The following PALM2AKAP2 variants were observed in gnomAD, a reference collection of about 807,000 sequenced individuals.
PALM2AKAP2 encodes the protein PALM2-AKAP2 fusion protein.
A neutral mutation model predicts 71.5 loss-of-function variants in PALM2AKAP2; 37 were observed. The ratio of observed to expected loss-of-function variants is 0.52; its 90% confidence interval spans 0.40 to 0.68. PALM2AKAP2 has a LOEUF of 0.68. Ranked by LOEUF, PALM2AKAP2 falls within the 30% of genes least tolerant of loss-of-function variation. The probability of loss-of-function intolerance (pLI) is 0.00; values close to 1 mark genes in which losing one functional copy is unlikely to be tolerated. For synonymous variants in PALM2AKAP2, 468 were observed against 478.8 expected, an observed-to-expected ratio of 0.98 and a Z score of 0.29; for missense variants, 1,224 against 1,191.8, an observed-to-expected ratio of 1.03 and a Z score of -0.40.
At chr9:109,915,768 G>A (rs1830673644) in intron 3 of PALM2AKAP2, among the ~76,000 whole-genome samples, 1 of 151,960 alleles carries the variant, frequency 6.6e-6, no homozygotes, top group Admixed American at 6.6e-5. Context: ...AACAATATTA[G>A]AATTGTTAGT....
Position 109,914,047 on chromosome 9 carries a change from C to T in PALM2AKAP2, c.258-9688C>T, listed in dbSNP as rs10453217. ...CTGGGATTACAGGCGTGAACCACCG[C>T]GCCCGGCCAAGATGCTTATTTCTCC... On this transcript the variant is annotated intron_variant, in intron 3 of 9. Transcript: ENST00000302798. Among the ~76,000 whole-genome samples the T allele has an allele frequency of 5.9e-3, 892 of 152,232 alleles. 7 individuals are homozygous for T. The highest frequency in any genetic ancestry group is 0.028 in the East Asian group (147 of 5,172).
At chr9:110,002,918 C>T (rs1393191796) in intron 6 of PALM2AKAP2, among the ~76,000 whole-genome samples, 10 of 152,096 alleles carry the variant, frequency 6.6e-5, no homozygotes, top group African/African-American at 1.9e-4. Context: ...TGATTCTTCT[C>T]TCTTTTCTTC....
chr9:109,986,184 G>C (rs1485826013), intron 6 of PALM2AKAP2, among the ~76,000 whole-genome samples: 1 of 152,192 alleles, frequency 6.6e-6, no homozygotes, highest in African/African-American at 2.4e-5. Flanking sequence ...TTGAGAAACT[G>C]AATGACATAG....
At chr9:109,831,351 G>A (rs544873811) in intron 1 of PALM2AKAP2, among the ~76,000 whole-genome samples, 24 of 152,124 alleles carry the variant, frequency 1.6e-4, no homozygotes, top group Non-Finnish European at 2.8e-4. Context: ...TCACCTTTCA[G>A]CCTCTCACAG....
Position 109,645,549 on chromosome 9 carries a change from G to GA in PALM2AKAP2, c.5+4696dup, listed in dbSNP as rs200417685. On this transcript the variant is annotated intron_variant, in intron 1 of 6. Transcript: ENST00000374531. ...GTAAAATAAGAGCTTCTTAGTTTAA[G>GA]AAAAAAAAAAAAACCCCAGCCATAA... 6.6e-3 allele frequency among the ~76,000 whole-genome samples: 806 copies of GA among 122,258 alleles called. 3 individuals carry two copies. The highest frequency in any genetic ancestry group is 0.014 in the African/African-American group (470 of 32,956). The allele number at this position is 122,258 out of a possible 152,430, so 80.2% of individuals were successfully genotyped here.
chr9:109,681,855 A>C (rs542269754), intron 1 of PALM2AKAP2, among the ~76,000 whole-genome samples: 1 of 152,296 alleles, frequency 6.6e-6, no homozygotes, highest in African/African-American at 2.4e-5. Flanking sequence ...TGATGTTTTC[A>C]GATTAAGTTT....
At position 110,137,469 on chromosome 9, in the gene PALM2AKAP2, C is replaced by T. The variant is rs747354587; in HGVS notation, c.1499C>T (p.Ser500Phe). Reference sequence around the variant, plus strand: ...GCAGGAAGCCAGGGCAACACAGCCTCTCAGGGGAAGGAAGGGCCCTACAGC... The same window carrying T: ...GCAGGAAGCCAGGGCAACACAGCCTTTCAGGGGAAGGAAGGGCCCTACAGC... Residue 500 changes from serine (S) to phenylalanine (F), a missense_variant, in exon 2 of 4, where the codon TCT becomes TTT. Physicochemically the swap from Ser to Phe is radical, Grantham distance 155. Coordinates refer to ENST00000374525, the Ensembl canonical transcript of PALM2AKAP2. 9 of 1,613,988 alleles carry T rather than the reference C, an allele frequency of 5.6e-6. No individual in the cohort carries two copies. In the East Asian group the frequency reaches 8.9e-5, roughly 16 times the overall value.
At chr9:109,832,755 C>G (rs545749672) in intron 1 of PALM2AKAP2, among the ~76,000 whole-genome samples, 1 of 152,300 alleles carries the variant, frequency 6.6e-6, no homozygotes. Context: ...AAACCACTCC[C>G]CAGTCACAGA....
intron 1 of PALM2AKAP2, among the ~76,000 whole-genome samples, chr9:109,864,354 G>A (rs1398871197): frequency 1.3e-5 from 2 of 152,138 alleles, no homozygotes; most frequent in Non-Finnish European, 2.9e-5. Context: ...CTTCTGGTCC[G>A]TGTGACTAAA....
Position 109,916,255 on chromosome 9 carries a change from G to A in PALM2AKAP2, c.258-7480G>A, listed in dbSNP as rs1323504363. The stretch of plus-strand genomic sequence containing the variant: ...GGGCAAAGGAGTAGCTGAGGATCTG[G>A]GAAGCAGGAACTGGAGATTGAATGG... On this transcript the variant is annotated intron_variant, in intron 3 of 9. Transcript: ENST00000302798. 7.9e-5 allele frequency among the ~76,000 whole-genome samples: 12 copies of A among 152,194 alleles called. No individual in the cohort carries two copies. In the South Asian group the frequency reaches 2.5e-3, roughly 32 times the overall value.
At chr9:109,942,117 A>T (rs1831383973) in intron 6 of PALM2AKAP2, among the ~76,000 whole-genome samples, 1 of 152,218 alleles carries the variant, frequency 6.6e-6, no homozygotes. Context: ...TAGTGACTGA[A>T]GTACTCACAG....
intron 1 of PALM2AKAP2, among the ~76,000 whole-genome samples, chr9:109,808,785 A>G (rs1827646563): frequency 6.6e-6 from 1 of 152,244 alleles, no homozygotes; most frequent in African/African-American, 2.4e-5. Flanking sequence ...CCTATGAGGA[A>G]AAGGTGTTTT....
At chr9:109,722,587 C>T (rs1203275007) in intron 1 of PALM2AKAP2, among the ~76,000 whole-genome samples, 1 of 152,150 alleles carries the variant, frequency 6.6e-6, no homozygotes, top group Admixed American at 6.5e-5. Context: ...GCCTGGGCAA[C>T]ATGGAAAATC....
At chr9:109,860,900 C>G (rs1046886311) in intron 1 of PALM2AKAP2, among the ~76,000 whole-genome samples, 7 of 152,176 alleles carry the variant, frequency 4.6e-5, no homozygotes, top group African/African-American at 1.7e-4. Flanking sequence ...AAACAAGATT[C>G]CCTTTAGCTC....
intron 1 of PALM2AKAP2, among the ~76,000 whole-genome samples, chr9:109,672,431 C>A (rs1397569656): frequency 6.6e-6 from 1 of 152,106 alleles, no homozygotes. Flanking sequence ...TTGAACCAAC[C>A]TTGCATCCTA....
intron 2 of PALM2AKAP2, among the ~76,000 whole-genome samples, chr9:110,147,751 C>G (rs1836213429): frequency 6.6e-6 from 1 of 152,110 alleles, no homozygotes; most frequent in Non-Finnish European, 1.5e-5. Context: ...GTCTGAGTGA[C>G]AAAGCAAGAC....
intron 1 of PALM2AKAP2, among the ~76,000 whole-genome samples, chr9:110,104,161 A>T (rs1296525854): frequency 9.0e-6 from 1 of 110,920 alleles, no homozygotes; most frequent in African/African-American, 3.6e-5. Context: ...TAGGAAACTT[A>T]CAAGATTTCT....
chr9:109,830,942 C>T (rs771954504), intron 1 of PALM2AKAP2, among the ~76,000 whole-genome samples: 4 of 151,916 alleles, frequency 2.6e-5, no homozygotes, highest in Non-Finnish European at 5.9e-5. Context: ...AACCTTCATG[C>T]GACCCTAGAT....
At chr9:109,686,121 A>G (rs1474718106) in intron 1 of PALM2AKAP2, among the ~76,000 whole-genome samples, 3 of 152,174 alleles carry the variant, frequency 2.0e-5, no homozygotes, top group Non-Finnish European at 4.4e-5. Flanking sequence ...TTCTCTTGCT[A>G]TTTCAACCAC....
Sources: gnomAD v4.1 joint callset for allele counts (sites outside exome capture counted in the v4.1 genomes callset) on GRCh38, gnomAD v4.1.1 for gene constraint, MANE v1.5 for transcripts, NCBI Gene and HGNC (gene_info 2026-07-23, HGNC 2026-07-21) for gene names.